NAV2: variants seen among roughly 807,000 people sequenced by gnomAD.
The protein encoded by NAV2 is helicase, APC down-regulated 1.
A neutral mutation model predicts 223.2 loss-of-function variants in NAV2; 54 were observed. That is an observed-to-expected ratio of 0.24 (90% CI 0.19 to 0.30). The LOEUF (loss-of-function observed/expected upper bound fraction) is 0.30. Among genes scored for constraint, NAV2 ranks in the 10% least tolerant of loss-of-function variants. The pLI, the probability that NAV2 is intolerant of heterozygous loss-of-function variation, is 1.00. For synonymous variants in NAV2, 1,279 were observed against 1,239.3 expected, an observed-to-expected ratio of 1.03 and a Z score of -0.67; for missense variants, 2,806 against 3,147.5, an observed-to-expected ratio of 0.89 and a Z score of 2.60.
chr11:20,107,377 C>T (rs532347902), intron 35 of NAV2: 4 of 340,950 alleles, frequency 1.2e-5, no homozygotes, highest in Admixed American at 4.5e-5. Flanking sequence ...TGAGCCACTG[C>T]GCATGGGCTT....
chr11:19,536,528 C>G (rs1293931106), intron 1 of NAV2, among the ~76,000 whole-genome samples: 3 of 152,168 alleles, frequency 2.0e-5, no homozygotes, highest in Admixed American at 2.0e-4. Context: ...TGACAAGACT[C>G]CCCACCATGT....
intron 1 of NAV2, among the ~76,000 whole-genome samples, chr11:19,607,287 A>G (rs1590664886): frequency 6.6e-6 from 1 of 152,204 alleles, no homozygotes; most frequent in East Asian, 1.9e-4. Flanking sequence ...TGAAACGGGG[A>G]GCCCTCTTGG....
intron 1 of NAV2, among the ~76,000 whole-genome samples, chr11:19,526,760 C>A (rs1482138914): frequency 6.6e-6 from 1 of 152,122 alleles, no homozygotes; most frequent in Non-Finnish European, 1.5e-5. Context: ...CTTGGCAACC[C>A]CTTAGGAAAT....
chr11:19,480,518 A>G (rs2042246522), intron 1 of NAV2, among the ~76,000 whole-genome samples: 1 of 152,174 alleles, frequency 6.6e-6, no homozygotes, highest in Admixed American at 6.5e-5. Flanking sequence ...GAGCCGGTGC[A>G]GCCTTTTCTT....
chr11:20,105,684 C>T lies in NAV2; in HGVS notation c.6798C>T (p.Leu2266=), dbSNP rs781738114. ...IDWIPKVWHH[L]NRFLEAHSSS... ...GGATTCCCAAGGTCTGGCATCACCTCAACCGCTTCCTGGAGGCTCACAGTT... is the reference window on the plus strand; with the variant it reads ...GGATTCCCAAGGTCTGGCATCACCTTAACCGCTTCCTGGAGGCTCACAGTT... The change falls in exon 35 of 38, where the codon CTC becomes CTT. Residue 2266 remains leucine (L), a synonymous_variant. Transcript: ENST00000349880. 6.2e-7 allele frequency: 1 copy of T among 1,613,546 alleles called. No individual in the cohort carries two copies. Among genetic ancestry groups the T allele is most frequent in the South Asian group, 1.1e-5 (1 of 91,042 alleles).
At position 20,083,190 on chromosome 11, in the gene NAV2, C is replaced by T; in HGVS notation, c.5498+11C>T. ...TCACTCCAACTCTCTGTAAGTCTGT[C>T]TGTCTAGTCAGATAACATCTTTGGC... On this transcript the variant is annotated intron_variant, in intron 26 of 37. Coordinates refer to ENST00000349880, the MANE Select transcript of NAV2 (RefSeq NM_145117.5). The T allele has an allele frequency of 1.9e-6, 3 of 1,607,586 alleles. No individual in the cohort carries two copies. Among genetic ancestry groups the T allele is most frequent in the Non-Finnish European group, 2.5e-6 (3 of 1,176,564 alleles).
chr11:19,743,867 G>C (rs2053085649), intron 1 of NAV2, among the ~76,000 whole-genome samples: 1 of 152,212 alleles, frequency 6.6e-6, no homozygotes. Flanking sequence ...CCACTGGCAT[G>C]GAAGGTTTGG....
At chr11:19,390,783 A>G (rs971084795) in intron 1 of NAV2, among the ~76,000 whole-genome samples, 4 of 152,164 alleles carry the variant, frequency 2.6e-5, no homozygotes, top group Non-Finnish European at 4.4e-5. Context: ...GAGCTGGAAG[A>G]TCAGGGGAAG....
intron 1 of NAV2, among the ~76,000 whole-genome samples, chr11:19,676,337 G>T (rs2048710359): frequency 6.6e-6 from 1 of 152,144 alleles, no homozygotes; most frequent in Admixed American, 6.5e-5. Context: ...AAGAGTCTTA[G>T]TTCCTCTGTG....
At chr11:19,726,758 T>A (rs929707408) in intron 1 of NAV2, among the ~76,000 whole-genome samples, 2 of 152,244 alleles carry the variant, frequency 1.3e-5, no homozygotes, top group African/African-American at 2.4e-5. Flanking sequence ...AAATGCAGAA[T>A]CCCAGGCCTT....
chr11:19,384,300 AT>A (rs1848952407), intron 1 of NAV2, among the ~76,000 whole-genome samples: 1 of 152,220 alleles, frequency 6.6e-6, no homozygotes. Flanking sequence ...CACATTTTCC[AT>A]GGTAAACAGA....
intron 1 of NAV2, among the ~76,000 whole-genome samples, chr11:19,704,003 C>T (rs566612148): frequency 8.6e-5 from 13 of 150,974 alleles, no homozygotes; most frequent in Admixed American, 5.9e-4. Context: ...GCTTCAGAAT[C>T]CTAGGTCTGG....
chr11:19,800,602 C>T (rs2058189129), intron 1 of NAV2, among the ~76,000 whole-genome samples: 1 of 151,710 alleles, frequency 6.6e-6, no homozygotes, highest in Admixed American at 6.6e-5. Flanking sequence ...GAAATGCAAG[C>T]TTAGTGTGCT....
chr11:19,602,370 G>A (rs2046371657), intron 1 of NAV2, among the ~76,000 whole-genome samples: 2 of 152,042 alleles, frequency 1.3e-5, no homozygotes, highest in South Asian at 4.2e-4. Context: ...TAGAGATGGG[G>A]TTTCACTATG....
At chr11:20,038,022 A>G (rs928066203) in intron 12 of NAV2, among the ~76,000 whole-genome samples, 2 of 152,186 alleles carry the variant, frequency 1.3e-5, no homozygotes, top group Admixed American at 6.5e-5. Flanking sequence ...TTTGACTTAC[A>G]AGGTAGGAGA....
At chr11:19,930,777 T>G (rs966366889) in intron 6 of NAV2, among the ~76,000 whole-genome samples, 17 of 152,174 alleles carry the variant, frequency 1.1e-4, no homozygotes, top group African/African-American at 3.6e-4. Context: ...GGAAAGGCAG[T>G]TTTCCTAGGA....
Position 20,017,227 on chromosome 11 carries a change from C to A in NAV2, c.2769-18732C>A, listed in dbSNP as rs150026461. ...GTTTGAGAGTTCTCCAGAGGATAGT[C>A]TTTCTTTTCCACTAATGTCCCCACA... On this transcript the variant is annotated intron_variant, in intron 11 of 37. Coordinates refer to ENST00000349880, the MANE Select transcript of NAV2 (RefSeq NM_145117.5). Among the ~76,000 whole-genome samples the A allele has an allele frequency of 2.2e-3, 340 of 152,248 alleles. 1 individual carries two copies. Among genetic ancestry groups the A allele is most frequent in the African/African-American group, 7.8e-3 (323 of 41,534 alleles).
intron 20 of NAV2, among the ~76,000 whole-genome samples, chr11:20,064,371 T>A (rs2058902367): frequency 1.3e-5 from 2 of 152,138 alleles, no homozygotes; most frequent in Non-Finnish European, 2.9e-5. Flanking sequence ...CAGAGGGACA[T>A]GGGACTCTAG....
At chr11:19,434,763 A>C (rs1354186824) in intron 1 of NAV2, among the ~76,000 whole-genome samples, 2 of 152,128 alleles carry the variant, frequency 1.3e-5, no homozygotes, top group East Asian at 3.9e-4. Context: ...GTTCGTTAAC[A>C]TTATACATGG....
Sources: gnomAD v4.1 joint callset for allele counts (sites outside exome capture counted in the v4.1 genomes callset) on GRCh38, gnomAD v4.1.1 for gene constraint, MANE v1.5 for transcripts, NCBI Gene and HGNC (gene_info 2026-07-23, HGNC 2026-07-21) for gene names.